DOK1: variants seen among roughly 807,000 people sequenced by gnomAD.
DOK1 encodes the protein docking protein 1, also known as Downstream of tyrosine kinase 1.
A neutral mutation model predicts 24.0 loss-of-function variants in DOK1; 12 were observed. That is an observed-to-expected ratio of 0.50 (90% confidence interval 0.32 to 0.81). The LOEUF is 0.81. Ranked by LOEUF, DOK1 falls within the 30% of genes least tolerant of loss-of-function variation. The pLI, the probability that DOK1 is intolerant of heterozygous loss-of-function variation, is 0.03. For missense variants in DOK1, 591 were observed against 620.7 expected (o/e 0.95, Z 0.51); for synonymous variants, 250 against 260.9 (o/e 0.96, Z 0.40).
At chr2:74,550,452 G>A (rs1490496258), upstream of DOK1, 5 of 1,233,764 alleles carry the variant, frequency 4.1e-6, no homozygotes, top group East Asian at 7.1e-5. Context: ...ACTTGGCCAT[G>A]ATGATCCCAT....
upstream of DOK1, chr2:74,554,424 C>A (rs1677241225): frequency 2.6e-6 from 1 of 383,034 alleles, no homozygotes; most frequent in Non-Finnish European, 4.7e-6. The surrounding 1 kb of genome is among the most constrained non-coding windows in gnomAD (Gnocchi z 4.9). Context: ...GATGTCATGG[C>A]TTTCACTCTG....
At chr2:74,552,834 G>A, upstream of DOK1, 1 of 586,690 alleles carries the variant, frequency 1.7e-6, no homozygotes, top group East Asian at 2.8e-5. Context: ...TAAGGGCTGA[G>A]GCACAGGTCA....
upstream of DOK1, chr2:74,550,310 C>A: frequency 6.2e-7 from 1 of 1,614,098 alleles, no homozygotes; most frequent in Non-Finnish European, 8.5e-7. Context: ...ACACTCTGCT[C>A]GGTCCCACTG....
chr2:74,549,621 G>T lies in DOK1; in HGVS notation c.-358+449G>T. 1 of 1,579,638 alleles carries T rather than the reference G, an allele frequency of 6.3e-7. No homozygotes were observed. Among genetic ancestry groups the T allele is most frequent in the South Asian group, 1.1e-5 (1 of 87,562 alleles). ...CCACAAGCAGGGAAAGAATCCCAGTGGCACCTTTCATGTGTCCCGCCGCCC... is the reference window on the plus strand; with the variant it reads ...CCACAAGCAGGGAAAGAATCCCAGTTGCACCTTTCATGTGTCCCGCCGCCC... On this transcript the variant is annotated intron_variant, in intron 1 of 4. Transcript: ENST00000409429. The surrounding 1 kb of genome is among the most constrained non-coding windows in gnomAD (Gnocchi z 5.3).
Position 74,554,849 on chromosome 2 carries a change from G to A in DOK1, c.60+35G>A, listed in dbSNP as rs1348940858. On this transcript the variant is annotated intron_variant, in intron 1 of 4. Transcript: ENST00000233668. The surrounding 1 kb of genome is among the most constrained non-coding windows in gnomAD (Gnocchi z 4.9). ...CGCATGGATGCCGAACCTTATCCGGGCTAGTAGTGGGTGAGAGAGCCCAGA... is the reference window on the plus strand; with the variant it reads ...CGCATGGATGCCGAACCTTATCCGGACTAGTAGTGGGTGAGAGAGCCCAGA... 2 of 1,612,368 alleles carry A rather than the reference G, an allele frequency of 1.2e-6. No homozygotes were observed. The highest frequency in any genetic ancestry group is 3.3e-5 in the Admixed American group (2 of 59,716).
rs758546344 is a variant in DOK1 at position 74,556,290 on chromosome 2, C to G, written c.640-18C>G. 3.7e-6 allele frequency: 6 copies of G among 1,603,226 alleles called. No homozygotes were observed. ...CTGATGGCTCCTGGTAATGTGTTTC[C>G]CCCTCTACCCTCCTTAGGTCATGTT... On this transcript the variant is annotated intron_variant, in intron 4 of 4. Transcript: ENST00000233668. The surrounding 1 kb of genome is among the most constrained non-coding windows in gnomAD (Gnocchi z 4.1).
upstream of DOK1, chr2:74,552,246 C>T (rs1677060238): frequency 3.6e-6 from 5 of 1,381,580 alleles, no homozygotes; most frequent in African/African-American, 1.4e-5. Flanking sequence ...TATGGCTGTG[C>T]CATCCTCGTG....
At chr2:74,554,704 C>T (rs768640940), upstream of DOK1, 3 of 1,595,832 alleles carry the variant, frequency 1.9e-6, no homozygotes, top group South Asian at 1.1e-5. The surrounding 1 kb of genome is among the most constrained non-coding windows in gnomAD (Gnocchi z 4.9). Context: ...CCGCCTCCCG[C>T]CCCGCCTCCC....
At chr2:74,552,774 G>T, upstream of DOK1, 3 of 815,984 alleles carry the variant, frequency 3.7e-6, no homozygotes, top group East Asian at 2.7e-5. Context: ...AGAGACAACA[G>T]GAGAGAAAGA....
upstream of DOK1, among the ~76,000 whole-genome samples, chr2:74,551,221 A>T (rs1297718332): frequency 6.6e-6 from 1 of 152,256 alleles, no homozygotes; most frequent in Non-Finnish European, 1.5e-5. Flanking sequence ...GGCGTGAGCC[A>T]CTGAGCCCGG....
At position 74,556,928 on chromosome 2, in the gene DOK1, C is replaced by T. The variant is rs1216785681; in HGVS notation, c.1260C>T (p.Leu420=). 1 of 1,614,146 alleles carries T rather than the reference C, an allele frequency of 6.2e-7. No homozygotes were observed. Residue 420 remains leucine, a synonymous_variant, in exon 5 of 5, where the codon CTC becomes CTT. Transcript: ENST00000233668. The surrounding 1 kb of genome is among the most constrained non-coding windows in gnomAD (Gnocchi z 4.1). ...CACCCCCTCGGAGCACAAAGCCCCTCCTTGCTCCCAAGCCCCAGGGCCCAG... is the reference window on the plus strand; with the variant it reads ...CACCCCCTCGGAGCACAAAGCCCCTTCTTGCTCCCAAGCCCCAGGGCCCAG... ...AVPPPRSTKP[L]LAPKPQGPAF... is the part of the protein sequence containing the mutation.
chr2:74,555,761 G>A lies in DOK1; in HGVS notation c.454+93G>A. On this transcript the variant is annotated intron_variant, in intron 3 of 4. Coordinates refer to ENST00000233668, the MANE Select transcript of DOK1 (RefSeq NM_001381.5). This position sits in a 1 kb window ranked among gnomAD's most constrained non-coding sequence, Gnocchi z 6.1. ...GGGTGGATACCCAGGGGCCCATGGG[G>A]AAGTAAGAAGTAGGAAGGCCCTGAG... 6.3e-7 allele frequency: 1 copy of A among 1,594,770 alleles called. No individual in the cohort carries two copies. The highest frequency in any genetic ancestry group is 8.5e-7 in the Non-Finnish European group (1 of 1,170,878).
Position 74,556,833 on chromosome 2 carries a change from T to G in DOK1, c.1165T>G (p.Cys389Gly), listed in dbSNP as rs770918288. The stretch of plus-strand genomic sequence containing the variant: ...TCGGGAGCCCAAGGATGCATGGTGG[T>G]GCCAAGCTCGGGTGAAGGAGGAGGG... ...LPREPKDAWWCQARVKEEGYE... is the reference protein window; with the variant it reads ...LPREPKDAWWGQARVKEEGYE... Residue 389 changes from cysteine (C) to glycine (G), a missense_variant, in exon 5 of 5, where the codon TGC (cysteine) becomes GGC (glycine). Coordinates refer to ENST00000233668, the MANE Select transcript of DOK1 (RefSeq NM_001381.5). The surrounding 1 kb of genome is among the most constrained non-coding windows in gnomAD (Gnocchi z 4.1). 1.9e-6 allele frequency: 3 copies of G among 1,614,102 alleles called. No homozygotes were observed. The South Asian group carries it at 3.3e-5, about 18-fold the overall frequency.
In DOK1 at chr2:74,549,442, C is replaced by T; in HGVS notation, c.-358+270C>T. The T allele has an allele frequency of 6.2e-7, 1 of 1,613,166 alleles. No individual in the cohort carries two copies. The highest frequency in any genetic ancestry group is 8.5e-7 in the Non-Finnish European group (1 of 1,179,674). On this transcript the variant is annotated intron_variant, in intron 1 of 4. Transcript: ENST00000409429. The surrounding 1 kb of genome is among the most constrained non-coding windows in gnomAD (Gnocchi z 5.3). ...CCGCAGACCACGTGGCTGTTGTGGGCGCTCCAGCCTTTGTCGCACACTTGC... is the reference window on the plus strand; with the variant it reads ...CCGCAGACCACGTGGCTGTTGTGGGTGCTCCAGCCTTTGTCGCACACTTGC...
Position 74,556,895 on chromosome 2 carries a change from C to T in DOK1, c.1227C>T (p.Tyr409=), listed in dbSNP as rs369515838. 62 of 1,614,184 alleles carry T rather than the reference C, an allele frequency of 3.8e-5. No individual in the cohort carries two copies. Among genetic ancestry groups the T allele is most frequent in the Middle Eastern group, 3.3e-4 (2 of 6,062 alleles). The change falls in exon 5 of 5, where the codon TAC becomes TAT. Residue 409 remains tyrosine, a synonymous_variant. Transcript: ENST00000233668. The surrounding 1 kb of genome is among the most constrained non-coding windows in gnomAD (Gnocchi z 4.1). The part of the protein sequence containing the change: ...ELPYNPATDD[Y]AVPPPRSTKP... Reference sequence around the variant, plus strand: ...CCTACAACCCTGCCACTGATGACTACGCTGTGCCACCCCCTCGGAGCACAA... The same window carrying T: ...CCTACAACCCTGCCACTGATGACTATGCTGTGCCACCCCCTCGGAGCACAA...
At chr2:74,550,223 G>T (rs772615508), upstream of DOK1, 1 of 1,614,112 alleles carries the variant, frequency 6.2e-7, no homozygotes, top group Non-Finnish European at 8.5e-7. Flanking sequence ...GGGAGGCGCT[G>T]GTCTTTGCAG....
At chr2:74,550,169 T>C (rs574108275), upstream of DOK1, 4 of 1,609,546 alleles carry the variant, frequency 2.5e-6, no homozygotes, top group African/African-American at 5.3e-5. Flanking sequence ...TGTGTGTATG[T>C]CTAGGAAATG....
In DOK1 at chr2:74,557,106, T is replaced by A; in HGVS notation, c.1438T>A (p.Ser480Thr). The change falls in exon 5 of 5, where the codon TCT (serine) becomes ACT (threonine). Residue 480 changes from serine (S) to threonine (T), a missense_variant. By Grantham distance (58) the Ser-to-Thr change is moderately conservative (BLOSUM62 1). Transcript: ENST00000233668. ...TDKTGVKSEGST is the reference protein window; with the variant it reads ...TDKTGVKSEGTT ...CAAGACTGGGGTCAAGTCAGAGGGC[T>A]CTACCTGAGAAGGACGGCAAGGCTG... 6.2e-7 allele frequency: 1 copy of A among 1,605,612 alleles called. No homozygotes were observed. The highest frequency in any genetic ancestry group is 8.5e-7 in the Non-Finnish European group (1 of 1,173,990).
At position 74,554,731 on chromosome 2, in the gene DOK1, G is replaced by C. The variant is rs754352565; in HGVS notation, c.-24G>C. ...CCGCCTCCCGCCGCAGGGCCAGGAA[G>C]CGCGGAAGGAACCGCCGGGGGCCAT... On this transcript the variant is annotated 5_prime_UTR_variant, in exon 1 of 5. Coordinates refer to ENST00000233668, the MANE Select transcript of DOK1 (RefSeq NM_001381.5). This position sits in a 1 kb window ranked among gnomAD's most constrained non-coding sequence, Gnocchi z 4.9. 6.2e-7 allele frequency: 1 copy of C among 1,605,254 alleles called. No homozygotes were observed.
Sources: allele counts gnomAD v4.1 joint callset (sites outside exome capture counted in the v4.1 genomes callset), GRCh38; gene constraint gnomAD v4.1.1; non-coding constraint Gnocchi (gnomAD v3.1); transcripts MANE v1.5; gene names NCBI Gene and HGNC (gene_info 2026-07-23, HGNC 2026-07-21).